The following ADGRF4 variants were observed in gnomAD, a reference collection of about 807,000 sequenced individuals.
The protein encoded by ADGRF4 is G-protein coupled receptor PGR18.
In ADGRF4, 63 loss-of-function variants were observed where a neutral mutation model predicts 58.5. The ratio of observed to expected loss-of-function variants is 1.08; its 90% CI spans 0.88 to 1.33. ADGRF4 has a LOEUF of 1.33. ADGRF4 is among the 40% of genes most tolerant of loss of function. The pLI is 0.00. For synonymous variants in ADGRF4, 313 were observed against 295.4 expected (o/e 1.06, Z -0.61); for missense variants, 931 against 843.9 (o/e 1.10, Z -1.28).
chr6:47,703,301 T>C (rs1429252777), intron 1 of ADGRF4, among the ~76,000 whole-genome samples: 1 of 152,236 alleles, frequency 6.6e-6, no homozygotes, highest in Non-Finnish European at 1.5e-5. Context: ...AAGCTTTTAA[T>C]AAAATTTTAA....
At chr6:47,703,956 C>T (rs560746403) in intron 1 of ADGRF4, among the ~76,000 whole-genome samples, 170 of 152,224 alleles carry the variant, frequency 1.1e-3, no homozygotes, top group African/African-American at 3.6e-3. Flanking sequence ...CAAATACTTT[C>T]TTTCAACAAG....
At chr6:47,701,443 C>G (rs553465796) in intron 1 of ADGRF4, among the ~76,000 whole-genome samples, 1 of 152,304 alleles carries the variant, frequency 6.6e-6, no homozygotes, top group East Asian at 1.9e-4. Context: ...AATAAATCAT[C>G]TTGCAGACAC....
At chr6:47,707,934 C>G (rs1771759513) in intron 2 of ADGRF4, among the ~76,000 whole-genome samples, 1 of 152,118 alleles carries the variant, frequency 6.6e-6, no homozygotes, top group South Asian at 2.1e-4. Flanking sequence ...TCTGTGTTCT[C>G]CCTGGATGCT....
chr6:47,706,385 C>A (rs1771710210), intron 1 of ADGRF4, among the ~76,000 whole-genome samples: 2 of 152,226 alleles, frequency 1.3e-5, no homozygotes, highest in African/African-American at 4.8e-5. Context: ...GTTTATCCAT[C>A]TCTAAGAGGG....
Position 47,708,139 on chromosome 6 carries a change from T to C in ADGRF4, c.94-85T>C, listed in dbSNP as rs539857782. ...TTTCTAGTCCTGAACACATTTTCTT[T>C]TCATATTCATATGGAGCCTCTAAGC... On this transcript the variant is annotated intron_variant, in intron 2 of 9. Coordinates refer to ENST00000283303, the MANE Select transcript of ADGRF4 (RefSeq NM_153838.5). 54 of 981,042 alleles carry C rather than the reference T, an allele frequency of 5.5e-5. No individual in the cohort carries two copies. The Admixed American group carries it at 6.8e-4, about 12-fold the overall frequency. 60.8% of individuals were successfully genotyped at this position (981,042 alleles called of 1,614,324 possible). A position where few individuals can be genotyped will look rare whatever the true frequency, so the allele number is the denominator to read the frequency against.
Position 47,721,194 on chromosome 6 carries a change from A to T in ADGRF4, c.*4-15A>T, listed in dbSNP as rs1772147765. On this transcript the variant is annotated splice_polypyrimidine_tract_variant and intron_variant, in intron 9 of 9. Coordinates refer to ENST00000283303, the MANE Select transcript of ADGRF4 (RefSeq NM_153838.5). Reference sequence around the variant, plus strand: ...TTATTCTTGCTATTAATTGTTTTTCAACCATATTTCCCAGGCTGCCCCATT... The same window carrying T: ...TTATTCTTGCTATTAATTGTTTTTCTACCATATTTCCCAGGCTGCCCCATT... The T allele has an allele frequency of 6.6e-6, 1 of 152,236 alleles. No individual in the cohort carries two copies. Among genetic ancestry groups the T allele is most frequent in the Non-Finnish European group, 1.5e-5 (1 of 68,042 alleles). The allele number at this position is 152,236 out of a possible 1,614,324, so 9.4% of individuals were successfully genotyped here. A position where few individuals can be genotyped will look rare whatever the true frequency, so the allele number is the denominator to read the frequency against.
chr6:47,715,190 AG>A lies in ADGRF4; in HGVS notation c.1932+16del. 1 of 1,549,440 alleles carries A rather than the reference AG, an allele frequency of 6.5e-7. No homozygotes were observed. Among genetic ancestry groups the A allele is most frequent in the Non-Finnish European group, 8.8e-7 (1 of 1,141,538 alleles). ...CAATGCTTTCCAGGTAAGTTCCAAGAGGGAGACTTTTCTGTGTTACTCCGAC... is the reference window on the plus strand; with the variant it reads ...CAATGCTTTCCAGGTAAGTTCCAAGAGGAGACTTTTCTGTGTTACTCCGAC... On this transcript the variant is annotated intron_variant, in intron 6 of 9. Transcript: ENST00000283303.
At chr6:47,705,928 G>C (rs543044249) in intron 1 of ADGRF4, among the ~76,000 whole-genome samples, 2 of 152,162 alleles carry the variant, frequency 1.3e-5, no homozygotes, top group Admixed American at 1.3e-4. Flanking sequence ...AGGAAAAATA[G>C]CATCTTTTAT....
At chr6:47,715,495 C>A in intron 6 of ADGRF4, 1 of 212,592 alleles carries the variant, frequency 4.7e-6, no homozygotes, top group East Asian at 1.0e-4. Flanking sequence ...TGTTATGCCT[C>A]AAAACAAGCA....
In ADGRF4 at chr6:47,720,477, G is replaced by A. The variant is rs529750455; in HGVS notation, c.*4-732G>A. On this transcript the variant is annotated intron_variant, in intron 9 of 9. Transcript: ENST00000283303. ...GGACACTCCTCATATCCCAATGATC[G>A]CAGGTCAGAATTGTTCTTAGAAACA... Among the ~76,000 whole-genome samples, 28 of 152,314 alleles carry A rather than the reference G, an allele frequency of 1.8e-4. 1 individual carries two copies. In the Middle Eastern group the frequency reaches 0.034, roughly 185 times the overall value.
At chr6:47,712,637 T>A (rs748718756) in intron 5 of ADGRF4, 29 bp downstream of exon 5, 2 of 1,532,222 alleles carry the variant, frequency 1.3e-6, no homozygotes, top group East Asian at 2.3e-5. Flanking sequence ...TTAAAAATGA[T>A]GTTTTTCTTA....
chr6:47,720,595 T>G (rs1456493787), intron 9 of ADGRF4, among the ~76,000 whole-genome samples: 1 of 152,100 alleles, frequency 6.6e-6, no homozygotes, highest in Non-Finnish European at 1.5e-5. Flanking sequence ...GTATAGATTC[T>G]CATTGGGAAC....
chr6:47,714,696 ACCT>A lies in ADGRF4; in HGVS notation c.1453_1455del (p.Leu485del). On this transcript the variant is annotated inframe_deletion, in exon 6 of 10. Coordinates refer to ENST00000283303, the MANE Select transcript of ADGRF4 (RefSeq NM_153838.5). ...GTGACATTTTTCAGCCACTTTTTCT[ACCT>A]CTCTCTGTTTTTCTGGATGCTCTTC... is the stretch of plus-strand genomic sequence containing the variant. 1 of 1,613,592 alleles carries A rather than the reference ACCT, an allele frequency of 6.2e-7. No individual in the cohort carries two copies. Among genetic ancestry groups the A allele is most frequent in the Non-Finnish European group, 8.5e-7 (1 of 1,179,844 alleles).
intron 3 of ADGRF4, among the ~76,000 whole-genome samples, chr6:47,708,781 C>G (rs1371911826): frequency 6.6e-6 from 1 of 152,116 alleles, no homozygotes; most frequent in African/African-American, 2.4e-5. Context: ...GGTTCTCACT[C>G]ATGTAGTAGG....
Position 47,717,328 on chromosome 6 carries a change from A to C in ADGRF4, c.2011A>C (p.Lys671Gln). The C allele has an allele frequency of 6.2e-7, 1 of 1,612,606 alleles. No individual in the cohort carries two copies. Among genetic ancestry groups the C allele is most frequent in the Non-Finnish European group, 8.5e-7 (1 of 1,178,584 alleles). ...DALRMRMSSL[K>Q]GKSRAAENAS... ...TTTGAGGATGAGGATGTCTTCACTG[A>C]AGGGGAAATCGAGGGCAGCTGAGGT... is the stretch of plus-strand genomic sequence containing the variant. The change falls in exon 8 of 10, where the codon AAG (lysine) becomes CAG (glutamine). Residue 671 changes from lysine (K) to glutamine (Q), a missense_variant. Lys to Gln is a moderately conservative substitution (Grantham distance 53, BLOSUM62 1). Transcript: ENST00000283303.
chr6:47,716,769 A>G lies in ADGRF4; in HGVS notation c.1933-37A>G, dbSNP rs201264323. ...AATAACAGCAGGAATATTTTTTGAA[A>G]AACCATCCCTCATGAATCTGTTCAA... On this transcript the variant is annotated intron_variant, in intron 6 of 9. Coordinates refer to ENST00000283303, the MANE Select transcript of ADGRF4 (RefSeq NM_153838.5). The G allele has an allele frequency of 8.3e-4, 1,283 of 1,545,286 alleles. 3 individuals are homozygous for G. Among genetic ancestry groups the G allele is most frequent in the Non-Finnish European group, 1.1e-3 (1,195 of 1,121,996 alleles).
At chr6:47,710,683 G>A in intron 3 of ADGRF4, 52 bp from the exon 4 acceptor site, 6 of 1,523,096 alleles carry the variant, frequency 3.9e-6, no homozygotes, top group Non-Finnish European at 5.3e-6. Context: ...TCAAAATGTG[G>A]AAATCCTAAT....
At chr6:47,713,027 T>C (rs907643676) in intron 5 of ADGRF4, among the ~76,000 whole-genome samples, 2 of 152,198 alleles carry the variant, frequency 1.3e-5, no homozygotes, top group Admixed American at 1.3e-4. Context: ...TGCCTCCTGT[T>C]GGATCAGCTG....
intron 1 of ADGRF4, among the ~76,000 whole-genome samples, chr6:47,704,078 T>C (rs1305682376): frequency 1.3e-5 from 2 of 151,966 alleles, no homozygotes; most frequent in African/African-American, 4.8e-5. Flanking sequence ...AGACGGAGTT[T>C]TGCTCTTGTC....
Sources: allele counts gnomAD v4.1 joint callset (sites outside exome capture counted in the v4.1 genomes callset), GRCh38; gene constraint gnomAD v4.1.1; transcripts MANE v1.5; gene names NCBI Gene and HGNC (gene_info 2026-07-23, HGNC 2026-07-21).